STS: variants seen among roughly 807,000 people sequenced by gnomAD.
STS encodes the protein steryl-sulfatase.
Under a neutral mutation model 26.8 loss-of-function variants are expected in STS, and 7 were observed. The ratio of observed to expected loss-of-function variants is 0.26; its 90% CI spans 0.15 to 0.49. STS has a LOEUF of 0.49. STS is among the 20% of genes least tolerant of loss of function. The probability of loss-of-function intolerance (pLI) is 0.98; values close to 1 mark genes in which losing one functional copy is unlikely to be tolerated. For synonymous variants in STS, 199 were observed against 189.4 expected (o/e 1.05, Z -0.42); for missense variants, 434 against 465.6 (o/e 0.93, Z 0.63).
chrX:7,325,576 G>A, intron 9 of STS, 78 bp downstream of exon 9: 2 of 1,130,740 alleles, frequency 1.8e-6, no homozygotes, highest in Non-Finnish European at 2.4e-6. Context: ...CCTGCATAAT[G>A]GTGTGGGGAC....
intron 7 of STS, among the ~76,000 whole-genome samples, chrX:7,299,928 A>G (rs5934918): frequency 0.36 from 39,801 of 110,441 alleles, 5,310 homozygotes; most frequent in East Asian, 0.41. Flanking sequence ...TCACTCACCT[A>G]AGACCTCGAA....
intron 2 of STS, among the ~76,000 whole-genome samples, chrX:7,224,016 C>T (rs1194888051): frequency 1.8e-5 from 2 of 110,878 alleles, no homozygotes; most frequent in African/African-American, 3.3e-5. Context: ...AGTGGAATAT[C>T]ATTCACTAAA....
intron 1 of STS, among the ~76,000 whole-genome samples, chrX:7,177,900 A>T (rs184831038): frequency 1.8e-5 from 2 of 110,885 alleles, no homozygotes; most frequent in African/African-American, 6.6e-5. Flanking sequence ...CTTGGGCTCA[A>T]GTGATTCTTT....
intron 1 of STS, among the ~76,000 whole-genome samples, chrX:7,159,160 A>C (rs1933193046): frequency 9.0e-6 from 1 of 110,711 alleles, no homozygotes; most frequent in South Asian, 3.9e-4. Context: ...ATGCTGTAAA[A>C]ACAAACAACA....
intron 8 of STS, among the ~76,000 whole-genome samples, chrX:7,315,911 C>CA (rs1287527140): frequency 9.0e-6 from 1 of 111,448 alleles, no homozygotes; most frequent in Non-Finnish European, 1.9e-5. Flanking sequence ...TTCACAGACA[C>CA]AGCCAGGAAC....
intron 8 of STS, among the ~76,000 whole-genome samples, chrX:7,308,076 G>A (rs80299504): frequency 2.1e-4 from 24 of 112,126 alleles, no homozygotes; most frequent in East Asian, 1.7e-3. Context: ...CCTGCCTGGG[G>A]GAGTCCAGCA....
At chrX:7,292,023 A>G (rs1925443696) in intron 7 of STS, among the ~76,000 whole-genome samples, 2 of 112,483 alleles carry the variant, frequency 1.8e-5, no homozygotes, top group African/African-American at 6.4e-5. Context: ...AAAAAAACCT[A>G]GAGAAAACAA....
chrX:7,215,417 C>T (rs1176997628), intron 2 of STS, among the ~76,000 whole-genome samples: 2 of 110,298 alleles, frequency 1.8e-5, no homozygotes, highest in African/African-American at 6.6e-5. Flanking sequence ...CTCTAAGCCT[C>T]ACTTCTTGTG....
chrX:7,207,607 T>G (rs1920959589), intron 2 of STS, among the ~76,000 whole-genome samples: 1 of 111,828 alleles, frequency 8.9e-6, no homozygotes, highest in African/African-American at 3.2e-5. Flanking sequence ...AGTAGGAAGG[T>G]TTCACCATAT....
At chrX:7,340,182 T>A (rs1170360978) in intron 10 of STS, among the ~76,000 whole-genome samples, 1 of 110,966 alleles carries the variant, frequency 9.0e-6, no homozygotes, top group Non-Finnish European at 1.9e-5. Context: ...TCTTTTCCCC[T>A]TGCATTCTCC....
chrX:7,321,011 T>A (rs922179200), intron 8 of STS, among the ~76,000 whole-genome samples: 6 of 111,147 alleles, frequency 5.4e-5, no homozygotes, highest in Admixed American at 1.9e-4. Flanking sequence ...AGCAAAGACA[T>A]GGAGTCAACC....
intron 8 of STS, among the ~76,000 whole-genome samples, chrX:7,312,106 C>T (rs1926507053): frequency 8.9e-6 from 1 of 112,013 alleles, no homozygotes; most frequent in Non-Finnish European, 1.9e-5. Flanking sequence ...GAAGTCTGCA[C>T]CCCAGCTGTA....
chrX:7,316,133 T>C (rs1926703298), intron 8 of STS, among the ~76,000 whole-genome samples: 1 of 111,851 alleles, frequency 8.9e-6, no homozygotes, highest in East Asian at 2.8e-4. Flanking sequence ...TAGCTTCGCA[T>C]TCCAGAGTAA....
At chrX:7,225,244 C>T (rs1921748290) in intron 2 of STS, among the ~76,000 whole-genome samples, 1 of 111,526 alleles carries the variant, frequency 9.0e-6, no homozygotes, top group Non-Finnish European at 1.9e-5. Context: ...GTGAGAACCC[C>T]GAAGCCAGAA....
chrX:7,263,553 T>C (rs931457498), intron 6 of STS, among the ~76,000 whole-genome samples: 26 of 112,327 alleles, frequency 2.3e-4, no homozygotes, highest in African/African-American at 8.1e-4. Flanking sequence ...GGCTATACCA[T>C]CTAGGCTTGT....
At chrX:7,196,936 G>A (rs1205611241) in intron 2 of STS, among the ~76,000 whole-genome samples, 4 of 111,271 alleles carry the variant, frequency 3.6e-5, no homozygotes, top group African/African-American at 9.8e-5. Context: ...ATGGCTTCCC[G>A]TTGGAAGGAA....
chrX:7,279,292 A>AAATAT lies in STS; in HGVS notation c.943+3206_943+3207insATATA, dbSNP rs1477179869. Among the ~76,000 whole-genome samples the AAATAT allele has an allele frequency of 7.4e-3, 461 of 62,677 alleles. 13 individuals carry two copies. The highest frequency in any genetic ancestry group is 0.028 in the African/African-American group (446 of 15,991). The allele number at this position is 62,677 out of a possible 115,157, so 54.4% of individuals were successfully genotyped here. On this transcript the variant is annotated intron_variant, in intron 7 of 10. Transcript: ENST00000674429. Reference sequence around the variant, plus strand: ...GTACTCCAGGAAGAAAAAAAAAAAAAATATATATATATATATATATGTGTG... The same window carrying AAATAT: ...GTACTCCAGGAAGAAAAAAAAAAAAAAATATATATATATATATATATATATGTGTG...
chrX:7,171,796 G>C (rs1374247608), intron 1 of STS, among the ~76,000 whole-genome samples: 1 of 111,592 alleles, frequency 9.0e-6, no homozygotes, highest in Non-Finnish European at 1.9e-5. Flanking sequence ...TCCATTGGAG[G>C]GATCAGTATA....
At chrX:7,152,235 A>G (rs1177089082) in intron 1 of STS, among the ~76,000 whole-genome samples, 1 of 112,176 alleles carries the variant, frequency 8.9e-6, no homozygotes, top group African/African-American at 3.2e-5. Context: ...TACAGGCGTG[A>G]GCCACCACGC....
Sources: allele counts gnomAD v4.1 joint callset (sites outside exome capture counted in the v4.1 genomes callset), GRCh38; gene constraint gnomAD v4.1.1; transcripts MANE v1.5; gene names NCBI Gene and HGNC (gene_info 2026-07-23, HGNC 2026-07-21).